UTRN: variants seen among roughly 807,000 people sequenced by gnomAD.
UTRN encodes the protein utrophin.
A neutral mutation model predicts 463.9 loss-of-function variants in UTRN; 283 were observed. The observed-to-expected ratio is 0.61, with a 90% CI of 0.55 to 0.67. UTRN has a LOEUF of 0.67. UTRN is among the 30% of genes least tolerant of loss of function. The probability of loss-of-function intolerance (pLI) is 0.00; values close to 1 mark genes in which losing one functional copy is unlikely to be tolerated. For missense variants in UTRN, 3,922 were observed against 4,084.3 expected (o/e 0.96, Z 1.08); for synonymous variants, 1,442 against 1,431.5 (o/e 1.01, Z -0.17).
intron 2 of UTRN, among the ~76,000 whole-genome samples, chr6:144,360,421 C>T (rs1227272308): frequency 6.6e-6 from 1 of 152,172 alleles, no homozygotes; most frequent in Non-Finnish European, 1.5e-5. Context: ...GATCCATCCA[C>T]CTTAGCCTCT....
Position 144,511,061 on chromosome 6 carries a change from G to A in UTRN, c.4882G>A (p.Val1628Ile), listed in dbSNP as rs759797858. The A allele has an allele frequency of 6.8e-6, 11 of 1,612,432 alleles. No homozygotes were observed. The highest frequency in any genetic ancestry group is 5.0e-5 in the Admixed American group (3 of 59,904). ...SEPILEERLC[V>I]LNAGWSRVRT... ...GCCTATTTTAGAAGAGAGGCTCTGC[G>A]TCCTTAACGCTGGGTGGAGCCGAGT... Residue 1628 changes from valine (V) to isoleucine (I), a missense_variant, in exon 35 of 75, where the codon GTC becomes ATC. By Grantham distance (29) the Val-to-Ile change is conservative. This residue lies in a region of UTRN where 2,349 missense variants were observed against 2,303.8 expected (regional missense o/e 1.02). Transcript: ENST00000367545.
At chr6:144,714,003 T>C (rs935750936) in intron 53 of UTRN, among the ~76,000 whole-genome samples, 2 of 152,080 alleles carry the variant, frequency 1.3e-5, no homozygotes, top group Admixed American at 6.5e-5. Flanking sequence ...ATTTTTAACA[T>C]TGATATTTGG....
At chr6:144,500,527 C>G in intron 34 of UTRN, among the ~76,000 whole-genome samples, 1 of 152,148 alleles carries the variant, frequency 6.6e-6, no homozygotes, top group Non-Finnish European at 1.5e-5. Context: ...CATGGATCAT[C>G]AAGGCCTTTA....
At chr6:144,346,177 C>A (rs1342104885) in intron 2 of UTRN, among the ~76,000 whole-genome samples, 150 of 128,420 alleles carry the variant, frequency 1.2e-3, no homozygotes, top group Non-Finnish European at 1.3e-3. Context: ...AACTCTGTCT[C>A]AAAAAAAAAA....
chr6:144,614,635 A>G (rs9390177), intron 51 of UTRN, among the ~76,000 whole-genome samples: 25,681 of 152,162 alleles, frequency 0.17, 2,344 homozygotes, highest in South Asian at 0.27. Flanking sequence ...TGAACATTGC[A>G]AGCTTCCTTT....
At chr6:144,433,482 C>T (rs1375430622) in intron 9 of UTRN, among the ~76,000 whole-genome samples, 1 of 149,712 alleles carries the variant, frequency 6.7e-6, no homozygotes, top group Non-Finnish European at 1.5e-5. Context: ...GGTTGCCAGG[C>T]AGAGGGTCTC....
intron 2 of UTRN, among the ~76,000 whole-genome samples, chr6:144,310,834 A>T (rs763106697): frequency 6.6e-6 from 1 of 152,242 alleles, no homozygotes; most frequent in Admixed American, 6.5e-5. Context: ...GAAAAATATC[A>T]GTTCAATCTT....
At chr6:144,638,067 T>A (rs1009142401) in intron 51 of UTRN, among the ~76,000 whole-genome samples, 1 of 152,242 alleles carries the variant, frequency 6.6e-6, no homozygotes, top group Non-Finnish European at 1.5e-5. Context: ...GATATCAAGA[T>A]AGTATTTAGG....
intron 51 of UTRN, among the ~76,000 whole-genome samples, chr6:144,623,476 G>A (rs140939040): frequency 6.6e-6 from 1 of 152,010 alleles, no homozygotes; most frequent in African/African-American, 2.4e-5. Context: ...TCTTAACTAC[G>A]CTGTTTCATT....
intron 11 of UTRN, 115 bp from the exon 12 acceptor site, chr6:144,438,630 G>C (rs1317445109): frequency 1.5e-5 from 20 of 1,297,558 alleles, no homozygotes; most frequent in African/African-American, 3.0e-5. Flanking sequence ...ATGCTACCTT[G>C]AATGTTTAGA....
In UTRN at chr6:144,539,346, G is replaced by T; in HGVS notation, c.6422G>T (p.Arg2141Ile). ...GCTGAAAAACTCAAATGGCTGAATA[G>T]AACTGAATTGGAGATGCTTTCAGAT... Reference protein sequence around the residue: ...VHAEKLKWLNRTELEMLSDKS... With the variant: ...VHAEKLKWLNITELEMLSDKS... Residue 2141 changes from arginine (R) to isoleucine (I), a missense_variant, in exon 45 of 75, where the codon AGA becomes ATA. Coordinates refer to ENST00000367545, the MANE Select transcript of UTRN (RefSeq NM_007124.3). 6.2e-7 allele frequency: 1 copy of T among 1,613,408 alleles called. No individual in the cohort carries two copies. Among genetic ancestry groups the T allele is most frequent in the Non-Finnish European group, 8.5e-7 (1 of 1,179,700 alleles).
Position 144,482,195 on chromosome 6 carries a change from C to A in UTRN, c.3508-14C>A. On this transcript the variant is annotated splice_polypyrimidine_tract_variant and intron_variant, in intron 26 of 74. Transcript: ENST00000367545. ...GAGACGTTTTTCAAGTTCATCCATC[C>A]TTTCTTGGAACAGAGGGCAAAAGAG... is the stretch of plus-strand genomic sequence containing the variant. 1 of 1,427,282 alleles carries A rather than the reference C, an allele frequency of 7.0e-7. No individual in the cohort carries two copies. Among genetic ancestry groups the A allele is most frequent in the Non-Finnish European group, 9.3e-7 (1 of 1,080,670 alleles). 88.4% of individuals were successfully genotyped at this position (1,427,282 alleles called of 1,614,324 possible). A position where few individuals can be genotyped will look rare whatever the true frequency, so the allele number is the denominator to read the frequency against.
At chr6:144,748,908 A>G (rs1305882610) in intron 55 of UTRN, among the ~76,000 whole-genome samples, 1 of 152,124 alleles carries the variant, frequency 6.6e-6, no homozygotes, top group African/African-American at 2.4e-5. Context: ...ATTGATTCCC[A>G]GAGCCTGGAT....
chr6:144,769,285 TA>T (rs369228768), intron 58 of UTRN, among the ~76,000 whole-genome samples: 55 of 149,114 alleles, frequency 3.7e-4, no homozygotes, highest in East Asian at 1.4e-3. Flanking sequence ...TCCCCCGACT[TA>T]AAAAAAAAAC....
At chr6:144,677,167 T>G (rs1781703481) in intron 51 of UTRN, among the ~76,000 whole-genome samples, 1 of 152,158 alleles carries the variant, frequency 6.6e-6, no homozygotes, top group African/African-American at 2.4e-5. Flanking sequence ...GTTCCATAGG[T>G]GTACATGTGA....
At chr6:144,481,040 T>G (rs1226938923) in intron 26 of UTRN, among the ~76,000 whole-genome samples, 1 of 152,224 alleles carries the variant, frequency 6.6e-6, no homozygotes, top group Non-Finnish European at 1.5e-5. Context: ...TTGTCTTTCT[T>G]TACACTATTG....
At chr6:144,808,023 T>C (rs1054087116) in intron 65 of UTRN, among the ~76,000 whole-genome samples, 21 of 152,170 alleles carry the variant, frequency 1.4e-4, no homozygotes, top group Admixed American at 1.2e-3. Flanking sequence ...GTTAATGGTA[T>C]GGATTTAGTG....
intron 51 of UTRN, among the ~76,000 whole-genome samples, chr6:144,643,587 A>G (rs965702279): frequency 6.6e-5 from 10 of 152,138 alleles, no homozygotes; most frequent in Non-Finnish European, 2.9e-5. Flanking sequence ...ACCTGAGGTC[A>G]GGAGTTCAAG....
intron 50 of UTRN, among the ~76,000 whole-genome samples, chr6:144,574,543 G>T (rs992445846): frequency 2.6e-5 from 4 of 151,980 alleles, no homozygotes; most frequent in Middle Eastern, 3.2e-3. Flanking sequence ...ATATACACTG[G>T]CATACAGATT....
Sources: allele counts gnomAD v4.1 joint callset (sites outside exome capture counted in the v4.1 genomes callset), GRCh38; gene constraint gnomAD v4.1.1; regional missense constraint gnomAD v4.1.1; transcripts MANE v1.5; gene names NCBI Gene and HGNC (gene_info 2026-07-23, HGNC 2026-07-21).